Variants in ARHGEF10L observed in about 807,000 individuals in gnomAD.
ARHGEF10L encodes rho guanine nucleotide exchange factor 10-like protein.
ARHGEF10L carries 69 observed loss-of-function variants against 141.2 expected under a neutral mutation model. That is an observed-to-expected ratio of 0.49 (90% CI 0.40 to 0.60). ARHGEF10L has a LOEUF of 0.60. Among genes scored for constraint, ARHGEF10L ranks in the 20% least tolerant of loss-of-function variants. The probability of loss-of-function intolerance (pLI) is 0.00; values close to 1 mark genes in which losing one functional copy is unlikely to be tolerated. For synonymous variants in ARHGEF10L, 711 were observed against 718.5 expected, an observed-to-expected ratio of 0.99 and a Z score of 0.17; for missense variants, 1,482 against 1,734.3, an observed-to-expected ratio of 0.85 and a Z score of 2.58.
At chr1:17,662,739 A>G (rs2062708289) in intron 25 of ARHGEF10L, among the ~76,000 whole-genome samples, 2 of 152,124 alleles carry the variant, frequency 1.3e-5, no homozygotes, top group African/African-American at 2.4e-5. Context: ...TCTTGTGACC[A>G]CACCCCAGCA....
At chr1:17,612,589 C>G (rs1333883505) in intron 7 of ARHGEF10L, among the ~76,000 whole-genome samples, 2 of 152,138 alleles carry the variant, frequency 1.3e-5, no homozygotes, top group Non-Finnish European at 2.9e-5. Flanking sequence ...GTGGATTTAC[C>G]CACTTATCCA....
At chr1:17,632,210 C>T (rs1351163680) in intron 15 of ARHGEF10L, 111 bp from the exon 16 acceptor site, 19 of 1,411,762 alleles carry the variant, frequency 1.3e-5, no homozygotes, top group Non-Finnish European at 1.9e-5. Context: ...TCTCCTCCAC[C>T]TCTCCCAGCC....
chr1:17,529,031 T>A, the ARHGEF10L span, among the ~76,000 whole-genome samples: 1 of 151,844 alleles, frequency 6.6e-6, no homozygotes, highest in Non-Finnish European at 1.5e-5. Context: ...TGAGATGGAG[T>A]CTCCCTCTGT....
In ARHGEF10L at chr1:17,656,722, G is replaced by T. The variant is rs1350494991; in HGVS notation, c.2860+14G>T. 1.2e-6 allele frequency: 2 copies of T among 1,604,572 alleles called. No individual in the cohort carries two copies. The highest frequency in any genetic ancestry group is 1.3e-5 in the African/African-American group (1 of 74,844). On this transcript the variant is annotated intron_variant, in intron 25 of 28. Transcript: ENST00000361221. This position sits in a 1 kb window ranked among gnomAD's most constrained non-coding sequence, Gnocchi z 4.9. ...CTCGGACCAGCGGTGAGGACTGGGGGGAATGGGGGAAGGGGGGCAGTCCTG... is the reference window on the plus strand; with the variant it reads ...CTCGGACCAGCGGTGAGGACTGGGGTGAATGGGGGAAGGGGGGCAGTCCTG...
Position 17,619,539 on chromosome 1 carries a change from C to T in ARHGEF10L, c.942+94C>T. 9.8e-7 allele frequency: 1 copy of T among 1,019,342 alleles called. No individual in the cohort carries two copies. Among genetic ancestry groups the T allele is most frequent in the Non-Finnish European group, 1.4e-6 (1 of 703,894 alleles). 63.1% of individuals were successfully genotyped at this position (1,019,342 alleles called of 1,614,324 possible). On this transcript the variant is annotated intron_variant, in intron 10 of 28. Transcript: ENST00000361221. The surrounding 1 kb of genome is among the most constrained non-coding windows in gnomAD (Gnocchi z 5.0). Reference sequence around the variant, plus strand: ...TCTGGGGCCACGCTTGTCTGGATCTCACAGGGGATATGATGACTGGGGGCT... The same window carrying T: ...TCTGGGGCCACGCTTGTCTGGATCTTACAGGGGATATGATGACTGGGGGCT...
intron 4 of ARHGEF10L, among the ~76,000 whole-genome samples, chr1:17,597,616 C>T (rs992463018): frequency 2.6e-5 from 4 of 152,184 alleles, no homozygotes; most frequent in South Asian, 2.1e-4. Context: ...AGGGAGGCAG[C>T]GGAGGTGGTC....
rs200791177 is a variant in ARHGEF10L, at chr1:17,616,216, C to T, written c.835+14C>T. The T allele has an allele frequency of 1.2e-4, 196 of 1,583,390 alleles. No individual in the cohort carries two copies. In the East Asian group the frequency reaches 1.7e-3, roughly 14 times the overall value. Reference sequence around the variant, plus strand: ...AGGACGTCCTCGGTGAGGCGCTGCCCGAGCGGGAGGGTCTGGTGCCCAGCT... The same window carrying T: ...AGGACGTCCTCGGTGAGGCGCTGCCTGAGCGGGAGGGTCTGGTGCCCAGCT... On this transcript the variant is annotated intron_variant, in intron 9 of 28. Transcript: ENST00000361221.
rs2080921530 is a variant in ARHGEF10L at position 17,603,797 on chromosome 1, A to G, written c.433+206A>G. ...CGGGGCCGGGCAGGGCTTGGGCATC[A>G]TGGGCAGGGCCATGCTCCGGCTATG... On this transcript the variant is annotated intron_variant, in intron 6 of 28. Transcript: ENST00000361221. The surrounding 1 kb of genome is among the most constrained non-coding windows in gnomAD (Gnocchi z 4.8). Among the ~76,000 whole-genome samples the G allele has an allele frequency of 6.6e-6, 1 of 152,210 alleles. No homozygotes were observed. The highest frequency in any genetic ancestry group is 1.5e-5 in the Non-Finnish European group (1 of 68,036).
chr1:17,518,581 C>T, the ARHGEF10L span, among the ~76,000 whole-genome samples: 5 of 151,120 alleles, frequency 3.3e-5, no homozygotes, highest in Non-Finnish European at 5.9e-5. Flanking sequence ...CACCTGAGGT[C>T]AGGAGTTTGA....
At chr1:17,531,013 AT>A in the ARHGEF10L span, among the ~76,000 whole-genome samples, 7 of 152,008 alleles carry the variant, frequency 4.6e-5, 1 homozygote, top group South Asian at 4.1e-4. Flanking sequence ...TCAAAAAAAA[AT>A]AAAAATAAAA....
At chr1:17,658,500 A>G (rs961275021) in intron 25 of ARHGEF10L, among the ~76,000 whole-genome samples, 3 of 152,148 alleles carry the variant, frequency 2.0e-5, no homozygotes, top group Non-Finnish European at 2.9e-5. Context: ...CCTGCCTCCC[A>G]GGCTGAGCTC....
At chr1:17,620,998 A>G (rs2060078942) in intron 10 of ARHGEF10L, among the ~76,000 whole-genome samples, 1 of 152,128 alleles carries the variant, frequency 6.6e-6, no homozygotes, top group South Asian at 2.1e-4. Context: ...TCGACGGGGT[A>G]CTGCAGGCTG....
intron 25 of ARHGEF10L, among the ~76,000 whole-genome samples, chr1:17,660,608 G>T (rs867189535): frequency 3.3e-5 from 5 of 152,154 alleles, no homozygotes; most frequent in African/African-American, 9.7e-5. Context: ...CCTGCTCTCT[G>T]GCTCCAGCCC....
intron 2 of ARHGEF10L, among the ~76,000 whole-genome samples, chr1:17,584,857 G>GCA (rs140219740): frequency 0.013 from 1,791 of 141,000 alleles, 18 homozygotes; most frequent in Admixed American, 0.015. Flanking sequence ...ACGTGTGCGT[G>GCA]CACACACACA....
At chr1:17,585,215 C>T (rs534588856) in intron 2 of ARHGEF10L, among the ~76,000 whole-genome samples, 1 of 152,170 alleles carries the variant, frequency 6.6e-6, no homozygotes, top group African/African-American at 2.4e-5. Context: ...CCCACCCAAG[C>T]CCTTTCTGTC....
At chr1:17,678,417 G>GTTTTT (rs397863291) in intron 26 of ARHGEF10L, among the ~76,000 whole-genome samples, 1 of 132,998 alleles carries the variant, frequency 7.5e-6, no homozygotes, top group Non-Finnish European at 1.6e-5. Flanking sequence ...AGATTTCAGG[G>GTTTTT]TTTTTTTTTT....
chr1:17,571,748 G>T (rs1435766582), intron 1 of ARHGEF10L, among the ~76,000 whole-genome samples: 4 of 152,134 alleles, frequency 2.6e-5, no homozygotes, highest in African/African-American at 9.7e-5. Flanking sequence ...TGACCAGGCT[G>T]GTCTTGGACC....
intron 2 of ARHGEF10L, among the ~76,000 whole-genome samples, chr1:17,584,107 C>T (rs1156313390): frequency 1.3e-5 from 2 of 152,096 alleles, no homozygotes; most frequent in African/African-American, 2.4e-5. Flanking sequence ...TGCAGTGGCA[C>T]AATCATGGCT....
Position 17,634,846 on chromosome 1 carries a change from A to T in ARHGEF10L, c.1757A>T (p.Glu586Val). The change falls in exon 18 of 29, where the codon GAG becomes GTG. Residue 586 changes from glutamate (E) to valine (V), a missense_variant. Physicochemically the swap from Glu to Val is moderately radical, Grantham distance 121. Around this residue, in one of 3 missense-constraint regions of ARHGEF10L, gnomAD observed 858 missense variants for 966.3 expected, o/e 0.89. Transcript: ENST00000361221. ...CTCTGTTCCAACAGGGGCCAGCTGG[A>T]GATCAGCAGCCTGGTGCCCCTGGGG... Reference protein sequence around the residue: ...FKPANHRGQLEISSLVPLGPK... With the variant: ...FKPANHRGQLVISSLVPLGPK... The T allele has an allele frequency of 6.2e-7, 1 of 1,613,220 alleles. No individual in the cohort carries two copies. Among genetic ancestry groups the T allele is most frequent in the Non-Finnish European group, 8.5e-7 (1 of 1,179,596 alleles).
Sources: gnomAD v4.1 joint callset for allele counts (sites outside exome capture counted in the v4.1 genomes callset) on GRCh38, gnomAD v4.1.1 for gene constraint, gnomAD v4.1.1 regional missense constraint, Gnocchi (gnomAD v3.1) non-coding constraint, MANE v1.5 for transcripts, NCBI Gene and HGNC (gene_info 2026-07-23, HGNC 2026-07-21) for gene names.